The following AKAP8L variants were observed in gnomAD, a reference collection of about 807,000 sequenced individuals.
The protein encoded by AKAP8L is A-kinase anchor protein 8-like.
A neutral mutation model predicts 77.5 loss-of-function variants in AKAP8L; 34 were observed. The observed-to-expected ratio is 0.44, with a 90% CI of 0.33 to 0.58. The LOEUF (loss-of-function observed/expected upper bound fraction) is 0.58, where lower values mean the gene tolerates loss of function less well. AKAP8L is among the 20% of genes least tolerant of loss of function. AKAP8L has a pLI of 0.02. For synonymous variants in AKAP8L, 342 were observed against 340.7 expected (o/e 1.00, Z -0.04); for missense variants, 806 against 887.6 (o/e 0.91, Z 1.17).
intron 12 of AKAP8L, among the ~76,000 whole-genome samples, chr19:15,389,428 A>G (rs891284911): frequency 6.6e-6 from 1 of 152,110 alleles, no homozygotes; most frequent in African/African-American, 2.4e-5. Flanking sequence ...ATACTTGAAG[A>G]AACAATGGCT....
rs556757002 is a variant in AKAP8L at position 15,399,240 on chromosome 19, T to C, written c.1157+62A>G. The C allele has an allele frequency of 1.4e-6, 2 of 1,475,472 alleles. No homozygotes were observed. Among genetic ancestry groups the C allele is most frequent in the African/African-American group, 2.8e-5 (2 of 72,296 alleles). 91.4% of individuals were successfully genotyped at this position (1,475,472 alleles called of 1,614,324 possible). A position where few individuals can be genotyped will look rare whatever the true frequency, so the allele number is the denominator to read the frequency against. ...CGGCGAGCTGGCAGAGCTATGGCCC[T>C]GCTCTCCTGGCGGCAGCCCCACAGC... On this transcript the variant is annotated intron_variant, in intron 9 of 13. Coordinates refer to ENST00000397410, the MANE Select transcript of AKAP8L (RefSeq NM_014371.4). The surrounding 1 kb of genome is among the most constrained non-coding windows in gnomAD (Gnocchi z 6.1).
At chr19:15,393,646 C>T (rs1052700214) in intron 12 of AKAP8L, among the ~76,000 whole-genome samples, 3 of 152,064 alleles carry the variant, frequency 2.0e-5, no homozygotes, top group Non-Finnish European at 2.9e-5. Flanking sequence ...AAATGCCGGG[C>T]GCGGTGGCTC....
chr19:15,397,691 G>C lies in AKAP8L; in HGVS notation c.1299+23C>G. ...CTCAGGGGTCCAAGAAACTAAGAGC[G>C]GCTGTGTTACTCCAAGGCTCACCTG... On this transcript the variant is annotated intron_variant, in intron 10 of 13. Transcript: ENST00000397410. This position sits in a 1 kb window ranked among gnomAD's most constrained non-coding sequence, Gnocchi z 4.7. 6.8e-6 allele frequency: 11 copies of C among 1,613,942 alleles called. No individual in the cohort carries two copies. The highest frequency in any genetic ancestry group is 9.3e-6 in the Non-Finnish European group (11 of 1,179,856).
intron 1 of AKAP8L, among the ~76,000 whole-genome samples, chr19:15,414,769 T>G (rs1296831615): frequency 6.6e-6 from 1 of 152,082 alleles, no homozygotes; most frequent in African/African-American, 2.4e-5. Context: ...ATTACAGGCG[T>G]GAGCCACCAC....
chr19:15,400,987 G>A lies in AKAP8L; in HGVS notation c.873C>T (p.Ala291=), dbSNP rs764002837. The A allele has an allele frequency of 4.3e-6, 7 of 1,614,012 alleles. No individual in the cohort carries two copies. Among genetic ancestry groups the A allele is most frequent in the South Asian group, 1.1e-5 (1 of 91,082 alleles). Residue 291 remains alanine (A), a synonymous_variant, in exon 6 of 14, where the codon GCC becomes GCT. Transcript: ENST00000397410. ...GGSPDEPDSK[A]TRTDCSDNSD... ...TGTTGTCCGAGCAGTCCGTGCGGGT[G>A]GCTTTGCTATCTGGCTCATCAGGAC...
Position 15,397,308 on chromosome 19 carries a change from T to TGG in AKAP8L, c.1406-30_1406-29dup. ...GTAGTGGGGAGGAGGGAGTCACCAC[T>TGG]GGGCCCAGGTGCCTAAGATAGACCC... On this transcript the variant is annotated intron_variant, in intron 11 of 13. Transcript: ENST00000397410. The surrounding 1 kb of genome is among the most constrained non-coding windows in gnomAD (Gnocchi z 4.7). 6.2e-7 allele frequency: 1 copy of TGG among 1,613,242 alleles called. No homozygotes were observed. Among genetic ancestry groups the TGG allele is most frequent in the Non-Finnish European group, 8.5e-7 (1 of 1,179,528 alleles).
At position 15,403,279 on chromosome 19, in the gene AKAP8L, C is replaced by T. The variant is rs1484520813; in HGVS notation, c.362+196G>A. On this transcript the variant is annotated intron_variant, in intron 4 of 13. Coordinates refer to ENST00000397410, the MANE Select transcript of AKAP8L (RefSeq NM_014371.4). The surrounding 1 kb of genome is among the most constrained non-coding windows in gnomAD (Gnocchi z 4.3). Reference sequence around the variant, plus strand: ...GGGAAAGGCTGACCACCAGGCAGTGCGGCAGGGGTTGAGGGTGGGTGAGAG... The same window carrying T: ...GGGAAAGGCTGACCACCAGGCAGTGTGGCAGGGGTTGAGGGTGGGTGAGAG... 2.7e-5 allele frequency: 16 copies of T among 598,216 alleles called. No homozygotes were observed. Among genetic ancestry groups the T allele is most frequent in the Admixed American group, 5.7e-5 (2 of 35,172 alleles). The allele number at this position is 598,216 out of a possible 1,614,324, so 37.1% of individuals were successfully genotyped here. A position where few individuals can be genotyped will look rare whatever the true frequency, so the allele number is the denominator to read the frequency against.
At position 15,401,482 on chromosome 19, in the gene AKAP8L, C is replaced by CGTA; in HGVS notation, c.481_483dup (p.Tyr161dup). On this transcript the variant is annotated inframe_insertion, in exon 5 of 14. Transcript: ENST00000397410. This position sits in a 1 kb window ranked among gnomAD's most constrained non-coding sequence, Gnocchi z 6.2. The stretch of plus-strand genomic sequence containing the variant: ...ATGCGGAACTGGTCGCGGTAGGCAT[C>CGTA]GTATTGGCCCTCATAGGCCATTTCC... 1 of 1,613,864 alleles carries CGTA rather than the reference C, an allele frequency of 6.2e-7. No individual in the cohort carries two copies. The highest frequency in any genetic ancestry group is 1.1e-5 in the South Asian group (1 of 91,088).
intron 1 of AKAP8L, among the ~76,000 whole-genome samples, chr19:15,416,138 AAG>A (rs1491065652): frequency 6.6e-5 from 10 of 152,072 alleles, no homozygotes; most frequent in South Asian, 2.1e-4. Context: ...AAAAAAAAAA[AAG>A]AGTCTTATTT....
At chr19:15,381,003 A>C (rs1266141173) in intron 12 of AKAP8L, 7 of 186,430 alleles carry the variant, frequency 3.8e-5, no homozygotes, top group Non-Finnish European at 7.8e-5. Flanking sequence ...CCAACGGGGA[A>C]GATATAAAAA....
chr19:15,406,925 T>C (rs919623613), intron 2 of AKAP8L, among the ~76,000 whole-genome samples: 1 of 152,208 alleles, frequency 6.6e-6, no homozygotes, highest in Non-Finnish European at 1.5e-5. Flanking sequence ...AAAAAGAATT[T>C]ACTATGCCTT....
chr19:15,388,601 C>T (rs907143224), intron 12 of AKAP8L, among the ~76,000 whole-genome samples: 17 of 152,088 alleles, frequency 1.1e-4, no homozygotes, highest in Admixed American at 2.0e-4. Context: ...TTGAAGGACT[C>T]AACAGATTTG....
intron 12 of AKAP8L, among the ~76,000 whole-genome samples, chr19:15,394,832 T>G (rs181196229): frequency 2.9e-3 from 446 of 152,320 alleles, no homozygotes; most frequent in Non-Finnish European, 5.1e-3. Context: ...CAGTCTAGAA[T>G]TCTAAAAAAT....
At chr19:15,385,219 C>T (rs1014241876) in intron 12 of AKAP8L, among the ~76,000 whole-genome samples, 21 of 151,894 alleles carry the variant, frequency 1.4e-4, no homozygotes, top group Non-Finnish European at 2.4e-4. Flanking sequence ...CCTCGTGATC[C>T]GCCCGCCTCG....
At position 15,401,370 on chromosome 19, in the gene AKAP8L, C is replaced by G; in HGVS notation, c.596G>C (p.Arg199Pro). Residue 199 changes from arginine to proline, a missense_variant, in exon 5 of 14, where the codon CGC becomes CCC. By Grantham distance (103) the Arg-to-Pro change is moderately radical (BLOSUM62 -2). Transcript: ENST00000397410. This position sits in a 1 kb window ranked among gnomAD's most constrained non-coding sequence, Gnocchi z 6.2. ...GGCCCCCATGGGGTCTTCCCACATGCGCCCATAGCCTGAGGCCATTGGCCG... is the reference window on the plus strand; with the variant it reads ...GGCCCCCATGGGGTCTTCCCACATGGGCCCATAGCCTGAGGCCATTGGCCG... ...SGRPMASGYG[R>P]MWEDPMGARG... 6.2e-7 allele frequency: 1 copy of G among 1,613,226 alleles called. No individual in the cohort carries two copies. The highest frequency in any genetic ancestry group is 8.5e-7 in the Non-Finnish European group (1 of 1,179,770).
Position 15,403,743 on chromosome 19 carries a change from G to A in AKAP8L, c.122-28C>T. 1 of 1,526,614 alleles carries A rather than the reference G, an allele frequency of 6.6e-7. No individual in the cohort carries two copies. Among genetic ancestry groups the A allele is most frequent in the African/African-American group, 1.4e-5 (1 of 72,748 alleles). The allele number at this position is 1,526,614 out of a possible 1,614,324, so 94.6% of individuals were successfully genotyped here. A position where few individuals can be genotyped will look rare whatever the true frequency, so the allele number is the denominator to read the frequency against. On this transcript the variant is annotated intron_variant, in intron 3 of 13. Coordinates refer to ENST00000397410, the MANE Select transcript of AKAP8L (RefSeq NM_014371.4). The surrounding 1 kb of genome is among the most constrained non-coding windows in gnomAD (Gnocchi z 4.3). ...GCAGTGAGGGAGACAGAGACAGACA[G>A]ATGGTGGGGGCAGGCAGAGGGGAGG... is the stretch of plus-strand genomic sequence containing the variant.
At position 15,418,951 on chromosome 19, in the gene AKAP8L, C is replaced by A; in HGVS notation, c.-28G>T. On this transcript the variant is annotated 5_prime_UTR_variant, in exon 1 of 14. Transcript: ENST00000397410. ...TGGCGGGCAACACAACATCCGACGA[C>A]GCCGGCTTCTGCTGCTCTGAACATC... The A allele has an allele frequency of 1.2e-6, 2 of 1,604,578 alleles. No homozygotes were observed. The highest frequency in any genetic ancestry group is 2.2e-5 in the South Asian group (2 of 91,010).
chr19:15,396,391 A>G (rs182139511), intron 12 of AKAP8L, among the ~76,000 whole-genome samples: 47 of 152,250 alleles, frequency 3.1e-4, no homozygotes, highest in Non-Finnish European at 5.9e-4. Context: ...TCAATCAAAA[A>G]AACACCTACT....
At chr19:15,418,347 A>T (rs1431177892) in intron 1 of AKAP8L, among the ~76,000 whole-genome samples, 1 of 151,890 alleles carries the variant, frequency 6.6e-6, no homozygotes, top group South Asian at 2.1e-4. Flanking sequence ...TTCAGCCCCT[A>T]GGGGCCCAAG....
Sources: gnomAD v4.1 joint callset for allele counts (sites outside exome capture counted in the v4.1 genomes callset) on GRCh38, gnomAD v4.1.1 for gene constraint, Gnocchi (gnomAD v3.1) non-coding constraint, MANE v1.5 for transcripts, NCBI Gene and HGNC (gene_info 2026-07-23, HGNC 2026-07-21) for gene names.